Variants in NFIA observed in about 807,000 individuals in gnomAD.
NFIA encodes the protein nuclear factor I A.
A neutral mutation model predicts 62.8 loss-of-function variants in NFIA; 8 were observed. The observed-to-expected ratio is 0.13, with a 90% CI of 0.07 to 0.23. NFIA has a LOEUF of 0.23. Among genes scored for constraint, NFIA ranks in the 10% least tolerant of loss-of-function variants. The pLI is 1.00. For missense variants in NFIA, 410 were observed against 642.1 expected (o/e 0.64, Z 3.91); for synonymous variants, 235 against 238.1 (o/e 0.99, Z 0.12).
chr1:61,184,704 T>A (rs1231900643), intron 2 of NFIA, among the ~76,000 whole-genome samples: 1 of 152,230 alleles, frequency 6.6e-6, no homozygotes, highest in Admixed American at 6.5e-5. Flanking sequence ...ATAGGAGCCG[T>A]GCTCCAAGAG....
At chr1:61,112,556 T>C (rs1394830608) in intron 2 of NFIA, among the ~76,000 whole-genome samples, 1 of 152,174 alleles carries the variant, frequency 6.6e-6, no homozygotes, top group Admixed American at 6.5e-5. Context: ...AATTGTCTTT[T>C]TGTTGTTGTT....
intron 2 of NFIA, among the ~76,000 whole-genome samples, chr1:61,204,157 C>T (rs1161843477): frequency 6.6e-6 from 1 of 152,154 alleles, no homozygotes; most frequent in Non-Finnish European, 1.5e-5. Context: ...TTAAAGTGAC[C>T]CCTGCTTTCC....
At chr1:61,226,498 G>C (rs1384348667) in intron 2 of NFIA, among the ~76,000 whole-genome samples, 4 of 152,058 alleles carry the variant, frequency 2.6e-5, no homozygotes, top group African/African-American at 9.7e-5. Context: ...CATTAACCCT[G>C]CTTCTCAGGG....
intron 3 of NFIA, among the ~76,000 whole-genome samples, chr1:61,289,067 G>A (rs1219402833): frequency 6.6e-6 from 1 of 152,198 alleles, no homozygotes; most frequent in Non-Finnish European, 1.5e-5. Context: ...ACTGCGCCTG[G>A]AGTAAGCTTC....
intron 2 of NFIA, among the ~76,000 whole-genome samples, chr1:61,210,133 C>T (rs1653154131): frequency 6.6e-6 from 1 of 152,086 alleles, no homozygotes; most frequent in Admixed American, 6.6e-5. Flanking sequence ...ACTGGGATGA[C>T]AGAATCACGG....
At chr1:61,157,013 A>G (rs1270400153) in intron 2 of NFIA, among the ~76,000 whole-genome samples, 2 of 152,194 alleles carry the variant, frequency 1.3e-5, no homozygotes, top group African/African-American at 4.8e-5. Context: ...CAGTGTGGTG[A>G]TCAGTACTGG....
intron 2 of NFIA, among the ~76,000 whole-genome samples, chr1:61,183,525 A>G (rs1352079130): frequency 6.6e-6 from 1 of 152,236 alleles, no homozygotes; most frequent in Non-Finnish European, 1.5e-5. Context: ...CACCCCAGCG[A>G]CCAGTGGCCA....
At chr1:61,392,377 A>G (rs1665024054) in intron 7 of NFIA, among the ~76,000 whole-genome samples, 1 of 152,158 alleles carries the variant, frequency 6.6e-6, no homozygotes, top group Admixed American at 6.5e-5. Flanking sequence ...GGAAGCGTGT[A>G]ATTAAAACTG....
intron 2 of NFIA, among the ~76,000 whole-genome samples, chr1:61,196,047 A>AC (rs1296941799): frequency 4.7e-4 from 72 of 152,330 alleles, no homozygotes; most frequent in African/African-American, 1.6e-3. Flanking sequence ...TAAACTCTGT[A>AC]ATTAACATGT....
chr1:61,201,170 C>T (rs1283323872), intron 2 of NFIA, among the ~76,000 whole-genome samples: 1 of 152,008 alleles, frequency 6.6e-6, no homozygotes, highest in African/African-American at 2.4e-5. Flanking sequence ...TATCACATAC[C>T]CTGATAGCGT....
chr1:61,219,709 G>C (rs184810849), intron 2 of NFIA, among the ~76,000 whole-genome samples: 5,843 of 73,980 alleles, frequency 0.079, 183 homozygotes, highest in Non-Finnish European at 0.1. Context: ...GCGAGACTCC[G>C]TCTCAAAAAA....
chr1:61,430,766 GC>G (rs1667067100), intron 10 of NFIA, among the ~76,000 whole-genome samples: 1 of 151,932 alleles, frequency 6.6e-6, no homozygotes, highest in African/African-American at 2.4e-5. Context: ...TGTATATCTG[GC>G]CCTGGCTTTC....
rs183783278 is a variant in NFIA at position 61,314,951 on chromosome 1, G to T, written c.626-17561G>T. On this transcript the variant is annotated intron_variant, in intron 3 of 10. Coordinates refer to ENST00000403491, the MANE Select transcript of NFIA (RefSeq NM_001134673.4). ...TGTTCTGAGTTCACTGTTCGTATTT[G>T]TTTATAGGTTGGCATCAATAGATAT... Among the ~76,000 whole-genome samples the T allele has an allele frequency of 7.3e-3, 1,112 of 152,182 alleles. 10 individuals carry two copies. Among genetic ancestry groups the T allele is most frequent in the Non-Finnish European group, 9.9e-3 (676 of 68,002 alleles).
chr1:61,393,325 C>G (rs980602140), intron 7 of NFIA, among the ~76,000 whole-genome samples: 1 of 52,206 alleles, frequency 1.9e-5, no homozygotes, highest in Admixed American at 2.2e-4. Context: ...GTCTCTCCCC[C>G]TCCCCAACCC....
At chr1:61,177,372 C>T (rs756882889) in intron 2 of NFIA, among the ~76,000 whole-genome samples, 2 of 152,092 alleles carry the variant, frequency 1.3e-5, no homozygotes, top group Non-Finnish European at 2.9e-5. Context: ...GCCTTCTGTA[C>T]ACATCTTCAA....
At chr1:61,454,860 T>C (rs370137930) in intron 10 of NFIA, among the ~76,000 whole-genome samples, 5 of 152,192 alleles carry the variant, frequency 3.3e-5, no homozygotes, top group South Asian at 2.1e-4. Context: ...TAGCCATTCA[T>C]TGCCACATGA....
intron 2 of NFIA, among the ~76,000 whole-genome samples, chr1:61,186,518 A>G (rs1651192844): frequency 6.6e-6 from 1 of 152,196 alleles, no homozygotes; most frequent in South Asian, 2.1e-4. Context: ...AGAGACATGT[A>G]TGTAAATAGG....
At chr1:61,183,328 A>G (rs1650882161) in intron 2 of NFIA, among the ~76,000 whole-genome samples, 1 of 152,220 alleles carries the variant, frequency 6.6e-6, no homozygotes. Flanking sequence ...GAAAGGTCAC[A>G]GGTCTTATCT....
At chr1:61,434,118 G>A (rs926093660) in intron 10 of NFIA, among the ~76,000 whole-genome samples, 10 of 152,134 alleles carry the variant, frequency 6.6e-5, no homozygotes, top group African/African-American at 2.2e-4. Context: ...CTTCTCTTAC[G>A]CTAAATTGTG....
Sources: allele counts gnomAD v4.1 joint callset (sites outside exome capture counted in the v4.1 genomes callset), GRCh38; gene constraint gnomAD v4.1.1; transcripts MANE v1.5; gene names NCBI Gene and HGNC (gene_info 2026-07-23, HGNC 2026-07-21).